DCDC1: variants seen among roughly 807,000 people sequenced by gnomAD.
DCDC1 encodes the protein doublecortin domain-containing protein 1.
A neutral mutation model predicts 178.3 loss-of-function variants in DCDC1; 200 were observed. The ratio of observed to expected loss-of-function variants is 1.12; its 90% confidence interval spans 1.00 to 1.26. The LOEUF is 1.26. Among genes scored for constraint, DCDC1 ranks in the 50% most tolerant of loss-of-function variants. The pLI, the probability that DCDC1 is intolerant of heterozygous loss-of-function variation, is 0.00. For missense variants in DCDC1, 1,983 were observed against 1,749.2 expected (o/e 1.13, Z -2.38); for synonymous variants, 690 against 604.8 (o/e 1.14, Z -2.07).
At chr11:31,165,129 T>C (rs921381622) in intron 9 of DCDC1, among the ~76,000 whole-genome samples, 1 of 152,290 alleles carries the variant, frequency 6.6e-6, no homozygotes, top group African/African-American at 2.4e-5. Flanking sequence ...TAGTCAGTCA[T>C]AGATATCAAA....
chr11:30,921,083 A>C (rs934954431), intron 24 of DCDC1, 148 bp from the exon 25 acceptor site: 9 of 803,440 alleles, frequency 1.1e-5, no homozygotes, highest in East Asian at 3.0e-5. Context: ...GTTGAATTTA[A>C]TTTTAATTTT....
At chr11:31,004,544 G>C (rs1484781560) in intron 20 of DCDC1, among the ~76,000 whole-genome samples, 1 of 151,098 alleles carries the variant, frequency 6.6e-6, no homozygotes, top group Non-Finnish European at 1.5e-5. Flanking sequence ...TTAGCTGGGC[G>C]TGGAGGCAGG....
chr11:30,968,655 T>C (rs1202421665), intron 20 of DCDC1, among the ~76,000 whole-genome samples: 1 of 136,996 alleles, frequency 7.3e-6, no homozygotes, highest in Non-Finnish European at 1.6e-5. Context: ...TCTGTGGTTA[T>C]ATATACATCA....
At chr11:30,906,311 G>A in intron 30 of DCDC1, 1 of 443,026 alleles carries the variant, frequency 2.3e-6, no homozygotes. Flanking sequence ...GATTAAAGCT[G>A]CAGAAGTGCC....
chr11:31,281,849 AC>A (rs1946459641), intron 7 of DCDC1, among the ~76,000 whole-genome samples: 1 of 152,120 alleles, frequency 6.6e-6, no homozygotes. Context: ...GTCATGTGAA[AC>A]TGTAAGTCCA....
chr11:31,087,143 C>T (rs541935763), intron 17 of DCDC1, among the ~76,000 whole-genome samples: 1 of 152,178 alleles, frequency 6.6e-6, no homozygotes, highest in East Asian at 1.9e-4. Flanking sequence ...TCTTTACCAC[C>T]TAAATGACAA....
chr11:31,354,563 C>T (rs1274036069), intron 1 of DCDC1, among the ~76,000 whole-genome samples: 1 of 152,154 alleles, frequency 6.6e-6, no homozygotes, highest in East Asian at 1.9e-4. Flanking sequence ...AATATAGTAA[C>T]AGAAGAGCCA....
At chr11:31,253,352 GGA>G (rs201708577) in intron 8 of DCDC1, among the ~76,000 whole-genome samples, 8 of 149,072 alleles carry the variant, frequency 5.4e-5, no homozygotes, top group Non-Finnish European at 4.5e-5. Context: ...GGAGAGTTTT[GGA>G]GATTTTTTTT....
At chr11:30,883,791 T>C (rs984930776) in intron 36 of DCDC1, among the ~76,000 whole-genome samples, 2 of 152,054 alleles carry the variant, frequency 1.3e-5, no homozygotes, top group Non-Finnish European at 2.9e-5. Context: ...TCAGAAGACA[T>C]ATCACACACA....
At chr11:31,338,326 A>C (rs894835136) in intron 1 of DCDC1, among the ~76,000 whole-genome samples, 9 of 152,162 alleles carry the variant, frequency 5.9e-5, no homozygotes, top group African/African-American at 2.2e-4. Context: ...GACCACCTGG[A>C]CTTAATGAAA....
At chr11:31,120,445 A>T (rs1960630775) in intron 11 of DCDC1, among the ~76,000 whole-genome samples, 1 of 152,164 alleles carries the variant, frequency 6.6e-6, no homozygotes. Context: ...AGCTGCCTAA[A>T]AAAGACCCAG....
In DCDC1 at chr11:30,931,891, A is replaced by G; in HGVS notation, c.2777T>C (p.Ile926Thr). ...GGCATATGGCTCTGTTGTCTTACAGATGGGTTTCTTCATGGGAGGACTGCT... is the reference window on the plus strand; with the variant it reads ...GGCATATGGCTCTGTTGTCTTACAGGTGGGTTTCTTCATGGGAGGACTGCT... The part of the protein sequence containing the change: ...VPSSPPMKKP[I>T]CKTTEPYAPV... Residue 926 changes from isoleucine (I) to threonine (T), a missense_variant, in exon 22 of 39, where the codon ATC (isoleucine) becomes ACC (threonine). By Grantham distance (89) the Ile-to-Thr change is moderately conservative (BLOSUM62 -1). Coordinates refer to ENST00000684477, the MANE Select transcript of DCDC1 (RefSeq NM_001387274.1). 1 of 1,613,152 alleles carries G rather than the reference A, an allele frequency of 6.2e-7. No homozygotes were observed. The highest frequency in any genetic ancestry group is 8.5e-7 in the Non-Finnish European group (1 of 1,179,418).
intron 6 of DCDC1, among the ~76,000 whole-genome samples, chr11:31,298,465 A>C: frequency 6.6e-6 from 1 of 152,096 alleles, no homozygotes; most frequent in Non-Finnish European, 1.5e-5. Flanking sequence ...GTTTAGCATA[A>C]CCTTGGAAAA....
Position 30,937,301 on chromosome 11 carries a change from G to C in DCDC1, c.2716-5349C>G, listed in dbSNP as rs537039970. Among the ~76,000 whole-genome samples, 66 of 152,196 alleles carry C rather than the reference G, an allele frequency of 4.3e-4. 1 individual carries two copies. The South Asian group carries it at 0.013, about 30-fold the overall frequency. On this transcript the variant is annotated intron_variant, in intron 21 of 38. Coordinates refer to ENST00000684477, the MANE Select transcript of DCDC1 (RefSeq NM_001387274.1). Reference sequence around the variant, plus strand: ...AATTAGGGAGGAGCGAGCCACCCCAGTATTAACCCAAAATGTCACTTTTTC... The same window carrying C: ...AATTAGGGAGGAGCGAGCCACCCCACTATTAACCCAAAATGTCACTTTTTC...
intron 9 of DCDC1, among the ~76,000 whole-genome samples, chr11:31,231,992 A>G (rs979253159): frequency 6.6e-6 from 1 of 152,184 alleles, no homozygotes; most frequent in African/African-American, 2.4e-5. Flanking sequence ...CCCCATCCAC[A>G]CTATCCAACC....
chr11:30,952,629 T>C, intron 20 of DCDC1, 61 bp from the exon 21 acceptor site: 2 of 650,710 alleles, frequency 3.1e-6, no homozygotes, highest in Non-Finnish European at 5.0e-6. Context: ...CTTTAAAATA[T>C]TCATTTTATT....
chr11:30,879,477 G>A (rs1942447573), intron 37 of DCDC1, among the ~76,000 whole-genome samples: 1 of 152,110 alleles, frequency 6.6e-6, no homozygotes, highest in Admixed American at 6.6e-5. Context: ...GAGATTTCCT[G>A]TATCCTGGAA....
intron 11 of DCDC1, among the ~76,000 whole-genome samples, chr11:31,114,014 T>C (rs1420053114): frequency 1.3e-5 from 2 of 152,146 alleles, no homozygotes; most frequent in Non-Finnish European, 2.9e-5. Flanking sequence ...CCAGGCACTC[T>C]AGTGCACCAA....
intron 6 of DCDC1, among the ~76,000 whole-genome samples, chr11:31,294,847 AAAGAAAGAAAGAAAG>A (rs1307656782): frequency 1.3e-5 from 2 of 148,902 alleles, no homozygotes; most frequent in African/African-American, 5.1e-5. Flanking sequence ...AGAAAGAAAG[AAAGAAAGAAAGAAAG>A]AAAGAAAAAG....
Sources: allele counts gnomAD v4.1 joint callset (sites outside exome capture counted in the v4.1 genomes callset), GRCh38; gene constraint gnomAD v4.1.1; transcripts MANE v1.5; gene names NCBI Gene and HGNC (gene_info 2026-07-23, HGNC 2026-07-21).